ST6GALNAC3: variants seen among roughly 807,000 people sequenced by gnomAD.
The protein encoded by ST6GALNAC3 is alpha-N-acetylgalactosaminide alpha-2,6-sialyltransferase 3.
ST6GALNAC3 carries 25 observed loss-of-function variants against 32.7 expected under a neutral mutation model. The ratio of observed to expected loss-of-function variants is 0.76; its 90% CI spans 0.56 to 1.07. The LOEUF is 1.07. Among genes scored for constraint, ST6GALNAC3 ranks in the 50% least tolerant of loss-of-function variants. ST6GALNAC3 has a pLI of 0.00. For synonymous variants in ST6GALNAC3, 129 were observed against 133.1 expected (o/e 0.97, Z 0.21); for missense variants, 355 against 382.4 (o/e 0.93, Z 0.60).
intron 1 of ST6GALNAC3, among the ~76,000 whole-genome samples, chr1:76,283,806 C>A (rs902146103): frequency 6.6e-6 from 1 of 152,164 alleles, no homozygotes; most frequent in African/African-American, 2.4e-5. Flanking sequence ...TATTTGTGCC[C>A]CTCAAGTTGA....
intron 3 of ST6GALNAC3, among the ~76,000 whole-genome samples, chr1:76,434,253 T>C (rs1480721979): frequency 6.6e-6 from 1 of 152,208 alleles, no homozygotes; most frequent in Non-Finnish European, 1.5e-5. Context: ...TTTACATGCT[T>C]GTAAAGTTGT....
At chr1:76,559,584 A>G (rs921297402) in intron 3 of ST6GALNAC3, among the ~76,000 whole-genome samples, 9 of 152,182 alleles carry the variant, frequency 5.9e-5, no homozygotes, top group African/African-American at 2.2e-4. Flanking sequence ...ATGAAAAATC[A>G]GGACTTGGGG....
At chr1:76,445,136 A>G (rs1656882499) in intron 3 of ST6GALNAC3, among the ~76,000 whole-genome samples, 1 of 152,206 alleles carries the variant, frequency 6.6e-6, no homozygotes, top group Non-Finnish European at 1.5e-5. Context: ...TTCAGAGACT[A>G]CTGAGAACCA....
intron 1 of ST6GALNAC3, among the ~76,000 whole-genome samples, chr1:76,186,014 G>C (rs1369944562): frequency 6.6e-6 from 1 of 152,136 alleles, no homozygotes; most frequent in African/African-American, 2.4e-5. Context: ...ACAGGGACTT[G>C]AGCATCTGCA....
At chr1:76,540,513 T>C (rs1339120459) in intron 3 of ST6GALNAC3, among the ~76,000 whole-genome samples, 2 of 152,154 alleles carry the variant, frequency 1.3e-5, no homozygotes, top group African/African-American at 4.8e-5. Context: ...TGGAAATTTG[T>C]TTTTAATCAT....
At chr1:76,203,693 T>C (rs1187206329) in intron 1 of ST6GALNAC3, among the ~76,000 whole-genome samples, 1 of 152,150 alleles carries the variant, frequency 6.6e-6, no homozygotes, top group Non-Finnish European at 1.5e-5. Context: ...GTGTATAAAT[T>C]TTTAGAAATA....
At chr1:76,089,355 T>C (rs1647011547) in intron 1 of ST6GALNAC3, among the ~76,000 whole-genome samples, 2 of 152,192 alleles carry the variant, frequency 1.3e-5, no homozygotes, top group Admixed American at 1.3e-4. Flanking sequence ...CCGGCCACAC[T>C]GAAGGATTTT....
chr1:76,112,036 C>T (rs1460421090), intron 1 of ST6GALNAC3, among the ~76,000 whole-genome samples: 1 of 151,044 alleles, frequency 6.6e-6, no homozygotes, highest in Admixed American at 6.6e-5. Flanking sequence ...CGCCCCTCAC[C>T]TCCCGGATGG....
intron 3 of ST6GALNAC3, among the ~76,000 whole-genome samples, chr1:76,452,565 T>G (rs191192703): frequency 1.2e-4 from 19 of 152,320 alleles, no homozygotes; most frequent in African/African-American, 3.8e-4. Flanking sequence ...ATTCTGTTTT[T>G]GTGGTGTATT....
At chr1:76,362,949 C>T (rs1557824014) in intron 2 of ST6GALNAC3, among the ~76,000 whole-genome samples, 3 of 152,196 alleles carry the variant, frequency 2.0e-5, no homozygotes, top group Admixed American at 1.3e-4. Context: ...TCTCACAGCT[C>T]CTCTAGGCAG....
intron 1 of ST6GALNAC3, among the ~76,000 whole-genome samples, chr1:76,200,252 G>T (rs543383702): frequency 6.6e-6 from 1 of 152,258 alleles, no homozygotes; most frequent in Non-Finnish European, 1.5e-5. Context: ...TTTGTGTGTG[G>T]CCATTTTCTG....
chr1:76,331,963 A>G (rs879859348), intron 2 of ST6GALNAC3, among the ~76,000 whole-genome samples: 1 of 152,164 alleles, frequency 6.6e-6, no homozygotes, highest in Non-Finnish European at 1.5e-5. Flanking sequence ...AAGTTTCTCG[A>G]AAGATTGATT....
intron 2 of ST6GALNAC3, among the ~76,000 whole-genome samples, chr1:76,388,252 G>T (rs1164652209): frequency 2.6e-5 from 4 of 152,190 alleles, no homozygotes; most frequent in Non-Finnish European, 5.9e-5. Flanking sequence ...ATGTACAGTA[G>T]TTGGATGCTG....
chr1:76,502,311 T>C (rs1327380250), intron 3 of ST6GALNAC3, among the ~76,000 whole-genome samples: 2 of 152,178 alleles, frequency 1.3e-5, no homozygotes, highest in African/African-American at 4.8e-5. Context: ...ATAAACCACC[T>C]TTTGAGGTAA....
intron 1 of ST6GALNAC3, among the ~76,000 whole-genome samples, chr1:76,263,729 G>T (rs1335232905): frequency 6.6e-6 from 1 of 152,162 alleles, no homozygotes; most frequent in Non-Finnish European, 1.5e-5. Flanking sequence ...TGTATTTCTC[G>T]AATGTTCCTC....
intron 3 of ST6GALNAC3, among the ~76,000 whole-genome samples, chr1:76,608,669 TC>T (rs1647723410): frequency 6.6e-6 from 1 of 151,498 alleles, no homozygotes; most frequent in African/African-American, 2.4e-5. Context: ...TCTTTTTCCT[TC>T]AGTGTTTGTC....
At chr1:76,407,978 G>A (rs1002926904) in intron 2 of ST6GALNAC3, among the ~76,000 whole-genome samples, 4 of 152,024 alleles carry the variant, frequency 2.6e-5, no homozygotes, top group African/African-American at 9.7e-5. Flanking sequence ...AAGCTAATAA[G>A]AAAAACTGAG....
intron 1 of ST6GALNAC3, among the ~76,000 whole-genome samples, chr1:76,081,366 C>T (rs1220858602): frequency 2.0e-5 from 3 of 151,634 alleles, no homozygotes; most frequent in Non-Finnish European, 4.4e-5. Context: ...TGTTGGGCCA[C>T]ATTCAAAGCT....
At chr1:76,361,985 A>AT (rs1553184735) in intron 2 of ST6GALNAC3, among the ~76,000 whole-genome samples, 10 of 65,138 alleles carry the variant, frequency 1.5e-4, no homozygotes, top group Admixed American at 3.4e-4. Context: ...ATCAAAAAAA[A>AT]AAAAAAAAGA....
Sources: gnomAD v4.1 joint callset for allele counts (sites outside exome capture counted in the v4.1 genomes callset) on GRCh38, gnomAD v4.1.1 for gene constraint, MANE v1.5 for transcripts, NCBI Gene and HGNC (gene_info 2026-07-23, HGNC 2026-07-21) for gene names.